ADD3: variants seen among roughly 807,000 people sequenced by gnomAD.
ADD3 encodes adducin 3, also known as gamma-adducin.
A neutral mutation model predicts 80.2 loss-of-function variants in ADD3; 25 were observed. The observed-to-expected ratio is 0.31, with a 90% CI of 0.23 to 0.44. The LOEUF (loss-of-function observed/expected upper bound fraction) is 0.44. ADD3 is among the 20% of genes least tolerant of loss of function. The pLI is 1.00. For missense variants in ADD3, 829 were observed against 847.5 expected, an observed-to-expected ratio of 0.98 and a Z score of 0.27; for synonymous variants, 284 against 289.6, an observed-to-expected ratio of 0.98 and a Z score of 0.20.
At chr10:110,027,980 A>AG (rs1321668094) in intron 1 of ADD3, among the ~76,000 whole-genome samples, 1 of 152,204 alleles carries the variant, frequency 6.6e-6, no homozygotes, top group Non-Finnish European at 1.5e-5. Flanking sequence ...AAGTTGGGAC[A>AG]GGTTTTGACT....
At chr10:110,002,219 G>A (rs2133681388), upstream of ADD3, among the ~76,000 whole-genome samples, 1 of 152,194 alleles carries the variant, frequency 6.6e-6, no homozygotes, top group Admixed American at 6.5e-5. Flanking sequence ...TTGAACCCAG[G>A]AGGTGGAGGT....
chr10:110,030,183 C>T (rs1009779801), intron 1 of ADD3, among the ~76,000 whole-genome samples: 1 of 151,056 alleles, frequency 6.6e-6, no homozygotes, highest in Admixed American at 6.6e-5. Context: ...ATTAGCCGGG[C>T]ATGGTGGCAC....
At chr10:110,047,004 C>T (rs1229535121) in intron 1 of ADD3, among the ~76,000 whole-genome samples, 3 of 152,174 alleles carry the variant, frequency 2.0e-5, no homozygotes, top group Non-Finnish European at 4.4e-5. Flanking sequence ...CAAGTGCTGA[C>T]TACTGAGATG....
intron 2 of ADD3, among the ~76,000 whole-genome samples, chr10:110,108,522 A>C (rs1046957576): frequency 1.1e-4 from 17 of 152,298 alleles, no homozygotes; most frequent in African/African-American, 3.6e-4. Context: ...AAGGATTATT[A>C]ACATTGAACT....
chr10:110,043,863 C>G (rs1856631295), intron 1 of ADD3, among the ~76,000 whole-genome samples: 1 of 152,138 alleles, frequency 6.6e-6, no homozygotes, highest in South Asian at 2.1e-4. Context: ...AAAGGAAATA[C>G]TATTTTTGGG....
intron 1 of ADD3, among the ~76,000 whole-genome samples, chr10:110,069,878 G>A (rs1001143522): frequency 6.6e-6 from 1 of 152,166 alleles, no homozygotes; most frequent in Admixed American, 6.5e-5. Context: ...TAGAGTGAAA[G>A]CAAAAGCACA....
At chr10:110,003,505 C>T (rs1482159069), upstream of ADD3, among the ~76,000 whole-genome samples, 1 of 152,090 alleles carries the variant, frequency 6.6e-6, no homozygotes. Flanking sequence ...AGCATTTTTA[C>T]ATTTATTATC....
chr10:110,037,013 G>T (rs1198580251), intron 1 of ADD3, among the ~76,000 whole-genome samples: 1 of 152,114 alleles, frequency 6.6e-6, no homozygotes, highest in Non-Finnish European at 1.5e-5. Flanking sequence ...AATTTCTGAG[G>T]GTAAGAGATG....
At chr10:110,048,257 A>G (rs1857117407) in intron 1 of ADD3, among the ~76,000 whole-genome samples, 1 of 152,220 alleles carries the variant, frequency 6.6e-6, no homozygotes, top group Non-Finnish European at 1.5e-5. Context: ...CTGTGAGTCC[A>G]TAAATCTCTT....
intron 12 of ADD3, among the ~76,000 whole-genome samples, chr10:110,129,645 C>T (rs992677471): frequency 3.0e-4 from 45 of 152,316 alleles, no homozygotes; most frequent in African/African-American, 1.0e-3. Context: ...TACCAGACCT[C>T]TTCAGGGCAA....
At chr10:110,006,034 T>C (rs1851612527), upstream of ADD3, 2 of 240,220 alleles carry the variant, frequency 8.3e-6, no homozygotes, top group South Asian at 4.7e-5. Context: ...CTGCTGCTGT[T>C]GGTCTGAGGC....
chr10:110,020,485 G>A (rs1223986202), intron 1 of ADD3, among the ~76,000 whole-genome samples: 2 of 152,070 alleles, frequency 1.3e-5, no homozygotes, highest in Non-Finnish European at 2.9e-5. Flanking sequence ...ATGTCTGCGG[G>A]GAAGAACATT....
intron 1 of ADD3, among the ~76,000 whole-genome samples, chr10:110,008,542 C>G (rs1378178631): frequency 6.7e-6 from 1 of 148,616 alleles, no homozygotes; most frequent in Non-Finnish European, 1.5e-5. Context: ...GGGGAGGGTC[C>G]GGGGGTGGCG....
intron 12 of ADD3, among the ~76,000 whole-genome samples, chr10:110,127,678 G>T (rs1443038058): frequency 6.6e-6 from 1 of 152,200 alleles, no homozygotes; most frequent in African/African-American, 2.4e-5. Context: ...AAGTCAACAG[G>T]TAATCTCTCT....
At chr10:110,062,166 C>G (rs1256676146) in intron 1 of ADD3, among the ~76,000 whole-genome samples, 1 of 117,174 alleles carries the variant, frequency 8.5e-6, no homozygotes, top group African/African-American at 3.2e-5. Context: ...AGTTCAAGAC[C>G]AGCCTGATGA....
At chr10:110,103,201 AGG>A (rs1849030431) in intron 2 of ADD3, among the ~76,000 whole-genome samples, 2 of 152,260 alleles carry the variant, frequency 1.3e-5, no homozygotes, top group Non-Finnish European at 2.9e-5. Flanking sequence ...AACTTCACCA[AGG>A]GAAATGATAC....
At chr10:110,026,988 T>G (rs1854392400) in intron 1 of ADD3, among the ~76,000 whole-genome samples, 1 of 152,208 alleles carries the variant, frequency 6.6e-6, no homozygotes, top group Admixed American at 6.5e-5. Flanking sequence ...TAACTATACC[T>G]TTTCTAGTCT....
At chr10:110,022,611 T>G (rs1853807106) in intron 1 of ADD3, among the ~76,000 whole-genome samples, 1 of 152,182 alleles carries the variant, frequency 6.6e-6, no homozygotes, top group Admixed American at 6.5e-5. Flanking sequence ...CTTGATAAGT[T>G]TTCAGTATTT....
Position 110,035,800 on chromosome 10 carries a change from A to G in ADD3, c.-30+27501A>G, listed in dbSNP as rs552895714. ...TTGAGACTCAGTGTTTTTTTAGGCT[A>G]AGAATTGTCTTTGAATTTTCTCTTT... is the stretch of plus-strand genomic sequence containing the variant. On this transcript the variant is annotated intron_variant, in intron 1 of 14. Coordinates refer to ENST00000356080, the MANE Select transcript of ADD3 (RefSeq NM_016824.5). 2.8e-5 allele frequency among the ~76,000 whole-genome samples: 4 copies of G among 144,144 alleles called. No homozygotes were observed. In the East Asian group the frequency reaches 7.7e-4, roughly 28 times the overall value. The allele number at this position is 144,144 out of a possible 152,430, so 94.6% of individuals were successfully genotyped here.
Sources: gnomAD v4.1 joint callset for allele counts (sites outside exome capture counted in the v4.1 genomes callset) on GRCh38, gnomAD v4.1.1 for gene constraint, MANE v1.5 for transcripts, NCBI Gene and HGNC (gene_info 2026-07-23, HGNC 2026-07-21) for gene names.